Variants in CUL4A observed in about 807,000 individuals in gnomAD.
CUL4A encodes cullin 4A, also known as cullin-4A.
A neutral mutation model predicts 95.5 loss-of-function variants in CUL4A; 16 were observed. The ratio of observed to expected loss-of-function variants is 0.17; its 90% CI spans 0.11 to 0.25. CUL4A has a LOEUF of 0.25. Among genes scored for constraint, CUL4A ranks in the 10% least tolerant of loss-of-function variants. The probability of loss-of-function intolerance (pLI) is 1.00; values close to 1 mark genes in which losing one functional copy is unlikely to be tolerated. For synonymous variants in CUL4A, 380 were observed against 353.1 expected, an observed-to-expected ratio of 1.08 and a Z score of -0.85; for missense variants, 610 against 937.0, an observed-to-expected ratio of 0.65 and a Z score of 4.56.
At position 113,257,614 on chromosome 13, in the gene CUL4A, A is replaced by C. The variant is rs374736076; in HGVS notation, c.2031+2489A>C. Among the ~76,000 whole-genome samples the C allele has an allele frequency of 2.6e-5, 4 of 152,230 alleles. 1 individual carries two copies. The highest frequency in any genetic ancestry group is 9.6e-5 in the African/African-American group (4 of 41,550). On this transcript the variant is annotated intron_variant, in intron 18 of 19. Transcript: ENST00000375440. ...ACGACCAGATCTCATCACCAAGGGG[A>C]GGGCCCAAGCCATTCATGAGGGACC...
In CUL4A at chr13:113,227,066, G is replaced by T. The variant is rs184668871; in HGVS notation, c.369-910G>T. 5.3e-5 allele frequency among the ~76,000 whole-genome samples: 8 copies of T among 152,324 alleles called. No individual in the cohort carries two copies. The South Asian group carries it at 6.2e-4, about 12-fold the overall frequency. On this transcript the variant is annotated intron_variant, in intron 3 of 19. Transcript: ENST00000375440. ...TGAAGGAAGGAGAGGATGAAGGGAG[G>T]CTGGAGAGGGAGTGGCGAGCGGCCA...
chr13:113,232,275 T>TTACTGTCACCACTACCTGCCCACCACC lies in CUL4A; in HGVS notation c.513-902_513-901insTACTGTCACCACTACCTGCCCACCACC, dbSNP rs2041373588. On this transcript the variant is annotated intron_variant, in intron 5 of 19. Coordinates refer to ENST00000375440, the MANE Select transcript of CUL4A (RefSeq NM_001008895.4). ...GCTGCCACCACTACCCGCCCACCAC[T>TTACTGTCACCACTACCTGCCCACCACC]ATTACTGCTGCCACCACTACCCGCC... Among the ~76,000 whole-genome samples, 5 of 3,558 alleles carry TTACTGTCACCACTACCTGCCCACCACC rather than the reference T, an allele frequency of 1.4e-3. 2 individuals are homozygous for TTACTGTCACCACTACCTGCCCACCACC. The East Asian group carries it at 0.045, about 32-fold the overall frequency. The allele number at this position is 3,558 out of a possible 152,430, so 2.3% of individuals were successfully genotyped here. A position where few individuals can be genotyped will look rare whatever the true frequency, so the allele number is the denominator to read the frequency against.
At chr13:113,210,174 G>C in intron 2 of CUL4A, 86 bp downstream of exon 2, 1 of 885,942 alleles carries the variant, frequency 1.1e-6, no homozygotes, top group Non-Finnish European at 1.6e-6. Context: ...TGCCTCGCAG[G>C]CTCTCGCCGG....
chr13:113,255,321 A>G (rs1046556340), intron 18 of CUL4A, among the ~76,000 whole-genome samples, 196 bp downstream of exon 18: 2 of 152,154 alleles, frequency 1.3e-5, no homozygotes, highest in African/African-American at 4.8e-5. Context: ...AGAAAATCAG[A>G]AAAAAAGCCA....
rs1180283812 is a variant in CUL4A, at chr13:113,266,159, G to C, written c.*2577G>C. The C allele has an allele frequency of 1.3e-5, 2 of 152,168 alleles. No individual in the cohort carries two copies. Among genetic ancestry groups the C allele is most frequent in the Non-Finnish European group, 2.9e-5 (2 of 68,048 alleles). The allele number at this position is 152,168 out of a possible 1,614,324, so 9.4% of individuals were successfully genotyped here. On this transcript the variant is annotated 3_prime_UTR_variant, in exon 20 of 20. Transcript: ENST00000375440. ...GCCACCTGAGTAGCTGGGCCTACAGGTGTACATCACCACGCCCAGATAATT... is the reference window on the plus strand; with the variant it reads ...GCCACCTGAGTAGCTGGGCCTACAGCTGTACATCACCACGCCCAGATAATT...
rs753677635 is a variant in CUL4A, at chr13:113,243,237, G to A, written c.1228+77G>A. On this transcript the variant is annotated intron_variant, in intron 11 of 19. Transcript: ENST00000375440. ...CATTTCTAGACAATTTTTTAATATGGGAAAATAAGGCAAAATCAACCAAAA... is the reference window on the plus strand; with the variant it reads ...CATTTCTAGACAATTTTTTAATATGAGAAAATAAGGCAAAATCAACCAAAA... The A allele has an allele frequency of 5.5e-4, 768 of 1,390,000 alleles. 1 individual carries two copies. Among genetic ancestry groups the A allele is most frequent in the Non-Finnish European group, 7.3e-4 (742 of 1,016,294 alleles). 86.1% of individuals were successfully genotyped at this position (1,390,000 alleles called of 1,614,324 possible).
chr13:113,243,104 A>G lies in CUL4A; in HGVS notation c.1172A>G (p.Lys391Arg). 2 of 1,614,214 alleles carry G rather than the reference A, an allele frequency of 1.2e-6. No individual in the cohort carries two copies. The highest frequency in any genetic ancestry group is 1.7e-6 in the Non-Finnish European group (2 of 1,180,024). ...QKNERFVNLM[K>R]ESFETFINKR... ...AATGAGCGGTTCGTCAACCTGATGAAGGAGTCCTTTGAGACGTTCATCAAC... is the reference window on the plus strand; with the variant it reads ...AATGAGCGGTTCGTCAACCTGATGAGGGAGTCCTTTGAGACGTTCATCAAC... The change falls in exon 11 of 20, where the codon AAG (lysine) becomes AGG (arginine). Residue 391 changes from lysine to arginine, a missense_variant. Coordinates refer to ENST00000375440, the MANE Select transcript of CUL4A (RefSeq NM_001008895.4).
chr13:113,230,192 A>T (rs1363080136), intron 5 of CUL4A: 1 of 153,438 alleles, frequency 6.5e-6, no homozygotes, highest in Non-Finnish European at 1.5e-5. Flanking sequence ...ACATTCATAC[A>T]TAAAAGTGAT....
At chr13:113,233,364 A>G in intron 6 of CUL4A, 25 bp downstream of exon 6, 1 of 1,598,222 alleles carries the variant, frequency 6.3e-7, no homozygotes, top group East Asian at 2.2e-5. Flanking sequence ...TGCGGAAGAT[A>G]CCTGGGTACC....
chr13:113,244,635 A>G, intron 12 of CUL4A, 121 bp downstream of exon 12: 1 of 724,866 alleles, frequency 1.4e-6, no homozygotes, highest in Non-Finnish European at 2.4e-6. Context: ...ATTAGAATGA[A>G]CACTTTTCAT....
intron 15 of CUL4A, among the ~76,000 whole-genome samples, chr13:113,248,850 G>C (rs1280703669): frequency 3.3e-5 from 5 of 152,092 alleles, no homozygotes; most frequent in Non-Finnish European, 5.9e-5. Context: ...GGCCTTTTAG[G>C]GGATCACTGA....
At chr13:113,230,550 C>G (rs183380165) in intron 5 of CUL4A, among the ~76,000 whole-genome samples, 90 of 152,188 alleles carry the variant, frequency 5.9e-4, no homozygotes, top group Non-Finnish European at 1.0e-3. Context: ...GCCTGTGTTC[C>G]AGGAAAGAAT....
At chr13:113,233,804 G>T (rs2041447572) in intron 6 of CUL4A, 93 bp from the exon 7 acceptor site, 1 of 821,062 alleles carries the variant, frequency 1.2e-6, no homozygotes, top group Non-Finnish European at 2.1e-6. Flanking sequence ...TTCAGGTCAT[G>T]GCAGCCTGCC....
intron 2 of CUL4A, among the ~76,000 whole-genome samples, chr13:113,214,529 G>T (rs1294071831): frequency 6.6e-6 from 1 of 151,842 alleles, no homozygotes; most frequent in Non-Finnish European, 1.5e-5. Context: ...TAAAAAAAAA[G>T]AGAGAGAGAG....
chr13:113,233,588 G>A (rs1028522848), intron 6 of CUL4A, among the ~76,000 whole-genome samples: 7 of 152,184 alleles, frequency 4.6e-5, no homozygotes, highest in South Asian at 2.1e-4. Flanking sequence ...TAAAATGCAC[G>A]TTTTTCATGG....
chr13:113,233,106 A>G (rs763485140), intron 5 of CUL4A, 71 bp from the exon 6 acceptor site: 16 of 1,485,502 alleles, frequency 1.1e-5, no homozygotes, highest in Admixed American at 5.7e-5. Flanking sequence ...TGAATAGCAT[A>G]GCTGGAGATT....
chr13:113,227,873 A>C (rs1595373011), intron 3 of CUL4A, 103 bp from the exon 4 acceptor site: 1 of 646,818 alleles, frequency 1.5e-6, no homozygotes, highest in Non-Finnish European at 2.6e-6. Flanking sequence ...GTGCCACTGC[A>C]CTCCAGCCTG....
In CUL4A at chr13:113,263,594, ACGGTTCCCCT is replaced by A. The variant is rs1254595429; in HGVS notation, c.*13_*22del. ...ACTACGTGGCCTGACGCATCTGCAGACGGTTCCCCTTCATGAAACACTAGAATGTACCCTC... is the reference window on the plus strand; with the variant it reads ...ACTACGTGGCCTGACGCATCTGCAGATCATGAAACACTAGAATGTACCCTC... On this transcript the variant is annotated 3_prime_UTR_variant, in exon 20 of 20. Transcript: ENST00000375440. The A allele has an allele frequency of 6.5e-7, 1 of 1,544,432 alleles. No individual in the cohort carries two copies. The highest frequency in any genetic ancestry group is 1.2e-5 in the South Asian group (1 of 85,132).
chr13:113,234,968 A>T (rs1480000889), intron 7 of CUL4A, 95 bp from the exon 8 acceptor site: 9 of 912,116 alleles, frequency 9.9e-6, no homozygotes, highest in African/African-American at 3.3e-5. Flanking sequence ...TCTGCTTTTT[A>T]AAAAAATTAC....
Sources: gnomAD v4.1 joint callset for allele counts (sites outside exome capture counted in the v4.1 genomes callset) on GRCh38, gnomAD v4.1.1 for gene constraint, MANE v1.5 for transcripts, NCBI Gene and HGNC (gene_info 2026-07-23, HGNC 2026-07-21) for gene names.